The following TEX14 variants were observed in gnomAD, a reference collection of about 807,000 sequenced individuals.
TEX14 encodes inactive serine/threonine-protein kinase TEX14.
A neutral mutation model predicts 178.6 loss-of-function variants in TEX14; 168 were observed. The observed-to-expected ratio is 0.94, with a 90% confidence interval of 0.83 to 1.07. TEX14 has a LOEUF of 1.07. TEX14 is among the 50% of genes least tolerant of loss of function. The pLI is 0.00. For synonymous variants in TEX14, 626 were observed against 634.1 expected, an observed-to-expected ratio of 0.99 and a Z score of 0.19; for missense variants, 1,730 against 1,753.6, an observed-to-expected ratio of 0.99 and a Z score of 0.24.
intron 1 of TEX14, among the ~76,000 whole-genome samples, chr17:58,662,765 A>G (rs1477632314): frequency 2.6e-5 from 4 of 152,186 alleles, no homozygotes; most frequent in Admixed American, 2.0e-4. Context: ...ATATATACTC[A>G]ATAATTTTTA....
chr17:58,600,373 C>T (rs1031311421), intron 13 of TEX14, among the ~76,000 whole-genome samples: 7 of 151,782 alleles, frequency 4.6e-5, no homozygotes, highest in African/African-American at 1.7e-4. Flanking sequence ...CATGGCCTGA[C>T]CAACATGGTG....
chr17:58,599,774 T>G (rs1283770397), intron 13 of TEX14, 108 bp from the exon 14 acceptor site: 7 of 868,814 alleles, frequency 8.1e-6, no homozygotes, highest in Non-Finnish European at 1.2e-5. Flanking sequence ...AAAAAAAAGT[T>G]TTTTATTTTC....
At chr17:58,662,752 G>A (rs2047138749) in intron 1 of TEX14, among the ~76,000 whole-genome samples, 1 of 152,166 alleles carries the variant, frequency 6.6e-6, no homozygotes, top group African/African-American at 2.4e-5. Flanking sequence ...ATATGAGAGT[G>A]ACATATATAC....
intron 2 of TEX14, chr17:58,631,631 A>C (rs2046298328): frequency 6.6e-6 from 1 of 151,798 alleles, no homozygotes; most frequent in African/African-American, 2.4e-5. Flanking sequence ...GAAAAAAAAA[A>C]AAACCCAGAA....
At chr17:58,613,630 A>T in intron 8 of TEX14, 86 bp from the exon 9 acceptor site, 1 of 1,346,846 alleles carries the variant, frequency 7.4e-7, no homozygotes, top group Non-Finnish European at 1.0e-6. Context: ...ACACATTCTA[A>T]ACAAATACCA....
chr17:58,571,238 T>A (rs919624142), intron 24 of TEX14, among the ~76,000 whole-genome samples: 1 of 147,686 alleles, frequency 6.8e-6, no homozygotes. Flanking sequence ...TTCTTTTCTT[T>A]TTTTTTTTTT....
intron 3 of TEX14, among the ~76,000 whole-genome samples, chr17:58,629,078 T>C (rs1419458788): frequency 6.6e-6 from 1 of 152,098 alleles, no homozygotes. Flanking sequence ...CTGAAAAATA[T>C]CCACCACCCA....
intron 1 of TEX14, among the ~76,000 whole-genome samples, chr17:58,683,379 CAA>C (rs1028689559): frequency 1.5e-5 from 2 of 134,816 alleles, no homozygotes; most frequent in Non-Finnish European, 3.2e-5. Flanking sequence ...TCCCCCCCCC[CAA>C]AAAAAAAAGG....
chr17:58,581,999 A>G (rs2044833555), intron 19 of TEX14, among the ~76,000 whole-genome samples: 1 of 152,070 alleles, frequency 6.6e-6, no homozygotes, highest in Admixed American at 6.5e-5. Flanking sequence ...AGATGAGGTG[A>G]CCGTCCTATT....
chr17:58,621,733 G>T lies in TEX14; in HGVS notation c.471C>A (p.Gly157=). The T allele has an allele frequency of 1.2e-6, 2 of 1,614,238 alleles. No individual in the cohort carries two copies. The highest frequency in any genetic ancestry group is 1.6e-4 in the Middle Eastern group (1 of 6,062). Residue 157 remains glycine, a synonymous_variant, in exon 5 of 32, where the codon GGC becomes GGA. Coordinates refer to ENST00000349033, the MANE Select transcript of TEX14 (RefSeq NM_031272.5). The part of the protein sequence containing the change: ...CASHMQAIIQ[G]FSYDLLKKID... ...TCTTCTTCAGGAGGTCGTAAGAGAA[G>T]CCCTGGATGATGGCCTGCATGTGTG...
chr17:58,676,707 C>T (rs1451886296), intron 1 of TEX14, among the ~76,000 whole-genome samples: 1 of 152,110 alleles, frequency 6.6e-6, no homozygotes, highest in Admixed American at 6.6e-5. Context: ...CCTTTAGGGG[C>T]CAGGTATGGT....
intron 1 of TEX14, among the ~76,000 whole-genome samples, chr17:58,657,502 CTTTTTTTTTTT>C (rs35359604): frequency 2.3e-4 from 12 of 51,366 alleles, no homozygotes; most frequent in South Asian, 6.4e-4. Context: ...ACGGGAAATG[CTTTTTTTTTTT>C]TTTTTTTTTT....
intron 1 of TEX14, among the ~76,000 whole-genome samples, chr17:58,690,309 G>A (rs954843996): frequency 7.9e-5 from 12 of 152,056 alleles, no homozygotes; most frequent in Admixed American, 7.9e-4. Flanking sequence ...TGGGACTAGA[G>A]GCATGTACCA....
intron 2 of TEX14, among the ~76,000 whole-genome samples, chr17:58,640,967 G>A (rs975639093): frequency 1.3e-5 from 2 of 151,998 alleles, no homozygotes; most frequent in Admixed American, 1.3e-4. Context: ...TGATCCACCA[G>A]CCTCAACCTC....
At chr17:58,634,336 C>T (rs1299118613) in intron 2 of TEX14, among the ~76,000 whole-genome samples, 1 of 151,928 alleles carries the variant, frequency 6.6e-6, no homozygotes, top group Non-Finnish European at 1.5e-5. Flanking sequence ...TTGCTTGAAC[C>T]CGAGAGGTAG....
chr17:58,607,455 A>G (rs1438940693), intron 10 of TEX14, among the ~76,000 whole-genome samples: 1 of 151,794 alleles, frequency 6.6e-6, no homozygotes, highest in East Asian at 1.9e-4. Context: ...GTTCCTGTCA[A>G]CCTCCAATCC....
At chr17:58,676,878 C>T (rs186521361) in intron 1 of TEX14, among the ~76,000 whole-genome samples, 57 of 152,156 alleles carry the variant, frequency 3.7e-4, no homozygotes, top group Non-Finnish European at 7.5e-4. Flanking sequence ...CGCCTGTAAT[C>T]CCAGTACTTT....
intron 19 of TEX14, among the ~76,000 whole-genome samples, chr17:58,581,297 C>G (rs761282101): frequency 3.4e-5 from 5 of 147,896 alleles, no homozygotes; most frequent in African/African-American, 1.3e-4. Context: ...GGTGACAGAG[C>G]GAGACTCTAT....
At chr17:58,668,405 G>GT (rs2047249244) in intron 1 of TEX14, among the ~76,000 whole-genome samples, 1 of 152,210 alleles carries the variant, frequency 6.6e-6, no homozygotes, top group Admixed American at 6.6e-5. Context: ...AGGAGCTGCA[G>GT]TAACTATAAA....
Sources: gnomAD v4.1 joint callset for allele counts (sites outside exome capture counted in the v4.1 genomes callset) on GRCh38, gnomAD v4.1.1 for gene constraint, MANE v1.5 for transcripts, NCBI Gene and HGNC (gene_info 2026-07-23, HGNC 2026-07-21) for gene names.